The following SMURF2 variants were observed in gnomAD, a reference collection of about 807,000 sequenced individuals.
The protein encoded by SMURF2 is E3 ubiquitin-protein ligase SMURF2.
In SMURF2, 48 loss-of-function variants were observed where a neutral mutation model predicts 109.6. The ratio of observed to expected loss-of-function variants is 0.44; its 90% CI spans 0.35 to 0.56. SMURF2 has a LOEUF of 0.56. Among genes scored for constraint, SMURF2 ranks in the 20% least tolerant of loss-of-function variants. The probability of loss-of-function intolerance (pLI) is 0.01; values close to 1 mark genes in which losing one functional copy is unlikely to be tolerated. For synonymous variants in SMURF2, 288 were observed against 317.1 expected (o/e 0.91, Z 0.97); for missense variants, 575 against 909.0 (o/e 0.63, Z 4.72).
chr17:64,542,293 C>T lies in SMURF2; in HGVS notation c.*3555G>A, dbSNP rs138967961. On this transcript the variant is annotated 3_prime_UTR_variant, in exon 19 of 19. Transcript: ENST00000262435. The stretch of plus-strand genomic sequence containing the variant: ...TTACAAACTCAATATTCTTTAAAAA[C>T]GTTGATGCTGTGACAGTGCAAACAG... The T allele has an allele frequency of 6.6e-5, 10 of 152,270 alleles. No individual in the cohort carries two copies. Among genetic ancestry groups the T allele is most frequent in the Middle Eastern group, 3.4e-3 (1 of 294 alleles). The allele number at this position is 152,270 out of a possible 1,614,324, so 9.4% of individuals were successfully genotyped here.
chr17:64,589,979 G>C (rs1297234140), intron 5 of SMURF2, among the ~76,000 whole-genome samples: 1 of 151,864 alleles, frequency 6.6e-6, no homozygotes, highest in Non-Finnish European at 1.5e-5. Context: ...ATAGGGCTTT[G>C]CTATGTGGCT....
intron 1 of SMURF2, among the ~76,000 whole-genome samples, chr17:64,623,931 T>C (rs377266902): frequency 2.0e-5 from 3 of 152,252 alleles, no homozygotes; most frequent in African/African-American, 7.2e-5. Flanking sequence ...GTCTTGTCTA[T>C]ACATATTTGA....
chr17:64,575,165 T>G (rs1263851919), intron 9 of SMURF2, among the ~76,000 whole-genome samples: 3 of 151,920 alleles, frequency 2.0e-5, no homozygotes, highest in East Asian at 3.9e-4. Context: ...ATCTATTTAT[T>G]TTTTTAGAGA....
chr17:64,624,966 T>C lies in SMURF2; in HGVS notation c.53-18326A>G, dbSNP rs934811746. Among the ~76,000 whole-genome samples, 6 of 152,308 alleles carry C rather than the reference T, an allele frequency of 3.9e-5. No homozygotes were observed. The South Asian group carries it at 6.2e-4, about 16-fold the overall frequency. On this transcript the variant is annotated intron_variant, in intron 1 of 18. Transcript: ENST00000262435. ...TCCTGACCCACTGGCCACTGCTAATTGGATAATAAGCAGCTACCACATCCA... is the reference window on the plus strand; with the variant it reads ...TCCTGACCCACTGGCCACTGCTAATCGGATAATAAGCAGCTACCACATCCA...
intron 1 of SMURF2, among the ~76,000 whole-genome samples, chr17:64,649,680 T>G (rs1970610406): frequency 6.6e-6 from 1 of 151,862 alleles, no homozygotes; most frequent in South Asian, 2.1e-4. Flanking sequence ...CTGTCTCTAC[T>G]AAAAATACAA....
intron 1 of SMURF2, among the ~76,000 whole-genome samples, chr17:64,631,980 G>T (rs1311301972): frequency 2.9e-5 from 2 of 68,252 alleles, no homozygotes; most frequent in Non-Finnish European, 5.6e-5. Context: ...GGGGGGGGGG[G>T]TGGACAGAGG....
rs577661511 is a variant in SMURF2, at chr17:64,581,948, G to A, written c.570-957C>T. 1.9e-4 allele frequency among the ~76,000 whole-genome samples: 28 copies of A among 150,720 alleles called. No homozygotes were observed. The highest frequency in any genetic ancestry group is 6.8e-4 in the African/African-American group (28 of 41,026). On this transcript the variant is annotated intron_variant, in intron 7 of 18. Coordinates refer to ENST00000262435, the MANE Select transcript of SMURF2 (RefSeq NM_022739.4). The surrounding 1 kb of genome is among the most constrained non-coding windows in gnomAD (Gnocchi z 4.3). ...TGCACTCTAGCCTAGGCAATAGAGC[G>A]GGACTCCATCTCCAAAAAAAAAAAA...
chr17:64,557,765 T>C (rs1555684165), intron 12 of SMURF2, 43 bp from the exon 13 acceptor site: 2 of 1,075,752 alleles, frequency 1.9e-6, no homozygotes. Context: ...TGTTAATGTA[T>C]ACATTTTTAT....
In SMURF2 at chr17:64,547,817, A is replaced by G. The variant is rs1555683286; in HGVS notation, c.1870-16T>C. On this transcript the variant is annotated splice_polypyrimidine_tract_variant and intron_variant, in intron 16 of 18. Transcript: ENST00000262435. This position sits in a 1 kb window ranked among gnomAD's most constrained non-coding sequence, Gnocchi z 4.2. Reference sequence around the variant, plus strand: ...AAATAATGAGCTGTGAAAATAGTACACAGTAATGAACCTGTGGAAACCACA... The same window carrying G: ...AAATAATGAGCTGTGAAAATAGTACGCAGTAATGAACCTGTGGAAACCACA... The G allele has an allele frequency of 1.2e-6, 2 of 1,612,746 alleles. No individual in the cohort carries two copies. The highest frequency in any genetic ancestry group is 3.3e-5 in the Admixed American group (2 of 60,008).
intron 9 of SMURF2, among the ~76,000 whole-genome samples, chr17:64,573,734 G>A (rs1239327936): frequency 6.6e-6 from 1 of 152,014 alleles, no homozygotes; most frequent in African/African-American, 2.4e-5. Context: ...GAGAACTCAG[G>A]GAGTTCAGCC....
At chr17:64,589,958 G>A (rs542341838) in intron 5 of SMURF2, among the ~76,000 whole-genome samples, 15 of 151,738 alleles carry the variant, frequency 9.9e-5, no homozygotes, top group African/African-American at 3.4e-4. Context: ...TACTTCCCTG[G>A]GATAACCACA....
At chr17:64,596,272 C>T (rs542910638) in intron 3 of SMURF2, among the ~76,000 whole-genome samples, 1 of 152,086 alleles carries the variant, frequency 6.6e-6, no homozygotes, top group South Asian at 2.1e-4. Context: ...GTTTATTATG[C>T]TTAATGTCAT....
chr17:64,593,204 T>C (rs111451271), intron 4 of SMURF2: 185 of 221,490 alleles, frequency 8.4e-4, no homozygotes, highest in African/African-American at 3.9e-3. Context: ...ATTTAAAATG[T>C]TTCTTTTTTT....
intron 6 of SMURF2, 38 bp downstream of exon 6, chr17:64,586,048 T>A (rs782664986): frequency 1.5e-6 from 2 of 1,340,628 alleles, no homozygotes; most frequent in South Asian, 2.6e-5. Flanking sequence ...GGATATTATC[T>A]ATATATTTCT....
At chr17:64,614,282 T>C (rs1970091944) in intron 1 of SMURF2, among the ~76,000 whole-genome samples, 1 of 152,208 alleles carries the variant, frequency 6.6e-6, no homozygotes, top group African/African-American at 2.4e-5. Context: ...AGTATCTGAA[T>C]TAATTCAATT....
chr17:64,586,033 T>G (rs1481835067), intron 6 of SMURF2, 53 bp downstream of exon 6: 1 of 1,225,090 alleles, frequency 8.2e-7, no homozygotes, highest in African/African-American at 1.5e-5. Context: ...TTTCTATTCT[T>G]TTAAGGATAT....
In SMURF2 at chr17:64,547,260, C is replaced by T. The variant is rs1968970823; in HGVS notation, c.2071+340G>A. Reference sequence around the variant, plus strand: ...GGGAGAGGCATCCCAGGCAGGTAAACGTTTCACCAGGTCAAGATGTGAACA... The same window carrying T: ...GGGAGAGGCATCCCAGGCAGGTAAATGTTTCACCAGGTCAAGATGTGAACA... On this transcript the variant is annotated intron_variant, in intron 17 of 18. Transcript: ENST00000262435. This position sits in a 1 kb window ranked among gnomAD's most constrained non-coding sequence, Gnocchi z 4.2. Among the ~76,000 whole-genome samples, 1 of 152,122 alleles carries T rather than the reference C, an allele frequency of 6.6e-6. No individual in the cohort carries two copies. The highest frequency in any genetic ancestry group is 1.5e-5 in the Non-Finnish European group (1 of 68,022).
rs1568172507 is a variant in SMURF2 at position 64,555,962 on chromosome 17, T to C, written c.1468A>G (p.Met490Val). The C allele has an allele frequency of 6.2e-7, 1 of 1,613,172 alleles. No individual in the cohort carries two copies. Among genetic ancestry groups the C allele is most frequent in the Non-Finnish European group, 8.5e-7 (1 of 1,179,484 alleles). Residue 490 changes from methionine to valine, a missense_variant, in exon 14 of 19, where the codon ATG becomes GTG. Met to Val is a conservative substitution (Grantham distance 21). This residue lies in a region of SMURF2 where 361 missense variants were observed against 612.1 expected (regional missense o/e 0.59). Coordinates refer to ENST00000262435, the MANE Select transcript of SMURF2 (RefSeq NM_022739.4). ...LSYFHFVGRI[M>V]GMAVFHGHYI... ...TGTCCATGAAACACAGCCATTCCCA[T>C]TATTCGTCCAACAAAGTGGAAATAG... is the stretch of plus-strand genomic sequence containing the variant.
At chr17:64,561,127 A>G (rs575808223) in intron 12 of SMURF2, among the ~76,000 whole-genome samples, 12 of 152,308 alleles carry the variant, frequency 7.9e-5, no homozygotes, top group African/African-American at 2.6e-4. Context: ...TTCATTTAAC[A>G]AGGAAAAAAG....
Sources: allele counts gnomAD v4.1 joint callset (sites outside exome capture counted in the v4.1 genomes callset), GRCh38; gene constraint gnomAD v4.1.1; regional missense constraint gnomAD v4.1.1; non-coding constraint Gnocchi (gnomAD v3.1); transcripts MANE v1.5; gene names NCBI Gene and HGNC (gene_info 2026-07-23, HGNC 2026-07-21).